DIS3L: variants seen among roughly 807,000 people sequenced by gnomAD.
DIS3L encodes the protein DIS3-like exonuclease 1.
DIS3L carries 100 observed loss-of-function variants against 120.3 expected under a neutral mutation model. That is an observed-to-expected ratio of 0.83 (90% CI 0.71 to 0.98). The LOEUF (loss-of-function observed/expected upper bound fraction) is 0.98. DIS3L is among the 50% of genes least tolerant of loss of function. DIS3L has a pLI of 0.00. For missense variants in DIS3L, 1,196 were observed against 1,314.2 expected (o/e 0.91, Z 1.39); for synonymous variants, 426 against 470.6 (o/e 0.91, Z 1.23).
chr15:66,307,019 T>G (rs2092709099), intron 3 of DIS3L, 67 bp downstream of exon 3: 1 of 1,595,416 alleles, frequency 6.3e-7, no homozygotes, highest in Non-Finnish European at 8.6e-7. Flanking sequence ...ATTGGCTGTT[T>G]GGGAGTTGAT....
At chr15:66,298,750 C>G (rs1279827728) in intron 2 of DIS3L, among the ~76,000 whole-genome samples, 1 of 152,124 alleles carries the variant, frequency 6.6e-6, no homozygotes, top group Non-Finnish European at 1.5e-5. Flanking sequence ...ATGAGGAGTC[C>G]CCCTGACAAC....
At chr15:66,326,479 T>TCTTGG in intron 12 of DIS3L, 115 bp downstream of exon 12, 5 of 1,157,548 alleles carry the variant, frequency 4.3e-6, no homozygotes, top group Non-Finnish European at 5.9e-6. Flanking sequence ...GAAAACAGAT[T>TCTTGG]CTTGGCTCTC....
intron 5 of DIS3L, 125 bp from the exon 6 acceptor site, chr15:66,313,914 G>T: frequency 3.3e-6 from 2 of 609,600 alleles, no homozygotes; most frequent in Non-Finnish European, 5.6e-6. Context: ...GTTCCTAAAG[G>T]GATCACAAAC....
intron 2 of DIS3L, among the ~76,000 whole-genome samples, chr15:66,303,515 G>A (rs1004789082): frequency 1.3e-5 from 2 of 152,178 alleles, no homozygotes; most frequent in African/African-American, 4.8e-5. Context: ...AATGAAGGAT[G>A]CTTAGCAAGA....
rs573371132 is a variant in DIS3L, at chr15:66,316,822, G to A, written c.994+1607G>A. Reference sequence around the variant, plus strand: ...AGAGCAAGACATTGTCTCAAAAAAAGAAAAAAGAAAAAGAAAGCAAGAGTT... The same window carrying A: ...AGAGCAAGACATTGTCTCAAAAAAAAAAAAAAGAAAAAGAAAGCAAGAGTT... On this transcript the variant is annotated intron_variant, in intron 7 of 16. Coordinates refer to ENST00000319212, the MANE Select transcript of DIS3L (RefSeq NM_001143688.3). Among the ~76,000 whole-genome samples the A allele has an allele frequency of 1.1e-3, 173 of 151,974 alleles. 1 individual carries two copies. Among genetic ancestry groups the A allele is most frequent in the Middle Eastern group, 3.4e-3 (1 of 294 alleles).
At chr15:66,329,769 G>A (rs954688270) in intron 14 of DIS3L, 3 of 948,706 alleles carry the variant, frequency 3.2e-6, no homozygotes, top group East Asian at 1.1e-4. Flanking sequence ...AAAATTAGCC[G>A]GGTGTGATGG....
intron 2 of DIS3L, among the ~76,000 whole-genome samples, chr15:66,299,080 C>T (rs1453667394): frequency 6.6e-6 from 1 of 152,102 alleles, no homozygotes; most frequent in Non-Finnish European, 1.5e-5. Flanking sequence ...ATAAACCAGG[C>T]AGAGTGGAGG....
In DIS3L at chr15:66,332,016, C is replaced by T. The variant is rs201069843; in HGVS notation, c.2677C>T (p.Pro893Ser). Reference sequence around the variant, plus strand: ...AACAAATGGTGTGCTTCTATTTATACCAAGGTATGTTACATCTAATGCAAT... The same window carrying T: ...AACAAATGGTGTGCTTCTATTTATATCAAGGTATGTTACATCTAATGCAAT... ...IRTNGVLLFI[P>S]RFGIKGAAYL... Residue 893 changes from proline (P) to serine (S), a missense_variant, in exon 15 of 17, where the codon CCA (proline) becomes TCA (serine). By Grantham distance (74) the Pro-to-Ser change is moderately conservative. Transcript: ENST00000319212. 1.3e-4 allele frequency: 202 copies of T among 1,606,390 alleles called. No homozygotes were observed. The South Asian group carries it at 2.0e-3, about 16-fold the overall frequency.
intron 15 of DIS3L, 41 bp downstream of exon 15, chr15:66,332,061 T>C: frequency 6.4e-7 from 1 of 1,565,378 alleles, no homozygotes; most frequent in Admixed American, 1.8e-5. Flanking sequence ...GAAATCATAG[T>C]TAAAAGTGTA....
chr15:66,314,840 C>G, intron 6 of DIS3L, 196 bp from the exon 7 acceptor site: 1 of 524,226 alleles, frequency 1.9e-6, no homozygotes, highest in Non-Finnish European at 3.3e-6. Flanking sequence ...TATGAAATCT[C>G]AATATACAGT....
At chr15:66,295,277 T>C (rs757194957) in intron 2 of DIS3L, 136 bp downstream of exon 2, 4 of 804,858 alleles carry the variant, frequency 5.0e-6, no homozygotes, top group Admixed American at 5.4e-5. Context: ...GTATTCTCTT[T>C]GATAGTGAGG....
chr15:66,325,410 A>G (rs1173459077), intron 11 of DIS3L, among the ~76,000 whole-genome samples: 1 of 152,194 alleles, frequency 6.6e-6, no homozygotes, highest in Non-Finnish European at 1.5e-5. Flanking sequence ...AAAATGGAGG[A>G]CATAAAGTAA....
In DIS3L at chr15:66,326,302, C is replaced by A. The variant is rs1395480031; in HGVS notation, c.2139C>A (p.His713Gln). 2 of 1,614,058 alleles carry A rather than the reference C, an allele frequency of 1.2e-6. No homozygotes were observed. Among genetic ancestry groups the A allele is most frequent in the African/African-American group, 2.7e-5 (2 of 74,940 alleles). ...QALLRQHPPP[H>Q]QEFFSELREC... ...TGCTGCGCCAGCACCCTCCTCCACA[C>A]CAGGAGTTCTTTTCAGAACTCCGGG... Residue 713 changes from histidine (H) to glutamine (Q), a missense_variant, in exon 12 of 17, where the codon CAC (histidine) becomes CAA (glutamine). Coordinates refer to ENST00000319212, the MANE Select transcript of DIS3L (RefSeq NM_001143688.3).
In DIS3L at chr15:66,295,140, A is replaced by T; in HGVS notation, c.292A>T (p.Arg98Ter). The part of the protein sequence containing the change: ...CQAVQHQRGR[R>*]QYNKLRNLLK... ...AGCTGTGCAGCATCAAAGAGGCAGG[A>T]GGTATACGTTTTGCATTCTTTATTT... The change falls in exon 2 of 17, where the codon AGA becomes TGA. Residue 98 changes from arginine (R) to a stop codon, truncating the protein, a stop_gained and splice_region_variant. Transcript: ENST00000319212. LOFTEE classifies it high-confidence loss of function. The T allele has an allele frequency of 6.2e-7, 1 of 1,613,302 alleles. No individual in the cohort carries two copies. The highest frequency in any genetic ancestry group is 8.5e-7 in the Non-Finnish European group (1 of 1,179,716).
At chr15:66,314,795 G>A (rs898293789) in intron 6 of DIS3L, 1 of 419,386 alleles carries the variant, frequency 2.4e-6, no homozygotes, top group Admixed American at 3.6e-5. Context: ...AAGGGGATGG[G>A]GATATTTTTT....
intron 2 of DIS3L, among the ~76,000 whole-genome samples, chr15:66,305,228 C>G (rs2140337709): frequency 6.6e-6 from 1 of 151,972 alleles, no homozygotes; most frequent in East Asian, 2.0e-4. Context: ...TCTCGATCTC[C>G]TGACCTCGTG....
At chr15:66,294,447 A>AG (rs1203274308) in intron 1 of DIS3L, 2 of 986,072 alleles carry the variant, frequency 2.0e-6, no homozygotes, top group Non-Finnish European at 2.4e-6. Flanking sequence ...ATTGTGATTA[A>AG]GGTGAACATT....
At chr15:66,306,661 G>T (rs140857782) in intron 2 of DIS3L, 163 bp from the exon 3 acceptor site, 23 of 952,758 alleles carry the variant, frequency 2.4e-5, no homozygotes, top group Non-Finnish European at 3.1e-5. Context: ...ATAGCAGCCC[G>T]ATAGGACTGA....
At position 66,322,687 on chromosome 15, in the gene DIS3L, A is replaced by T. The variant is rs765385330; in HGVS notation, c.1327A>T (p.Met443Leu). The change falls in exon 10 of 17, where the codon ATG becomes TTG. Residue 443 changes from methionine (M) to leucine (L), a missense_variant and splice_region_variant. Physicochemically the swap from Met to Leu is conservative, Grantham distance 15 (BLOSUM62 2). Transcript: ENST00000319212. ...GCTGAATATTTGGTTTCTCATACAG[A>T]TGTGTGAGATGCCAGTAAACACACC... ...ISVIPFSEAQ[M>L]CEMPVNTPES... 1.2e-6 allele frequency: 2 copies of T among 1,613,866 alleles called. No homozygotes were observed. The highest frequency in any genetic ancestry group is 2.7e-5 in the African/African-American group (2 of 74,914).
Sources: allele counts gnomAD v4.1 joint callset (sites outside exome capture counted in the v4.1 genomes callset), GRCh38; gene constraint gnomAD v4.1.1; transcripts MANE v1.5; gene names NCBI Gene and HGNC (gene_info 2026-07-23, HGNC 2026-07-21).